The following NOL4 variants were observed in gnomAD, a reference collection of about 807,000 sequenced individuals.
NOL4 encodes cancer/testis antigen 125.
In NOL4, 17 loss-of-function variants were observed where a neutral mutation model predicts 75.9. The observed-to-expected ratio is 0.22, with a 90% CI of 0.15 to 0.34. The LOEUF is 0.34. NOL4 is among the 10% of genes least tolerant of loss of function. The probability of loss-of-function intolerance (pLI) is 1.00; values close to 1 mark genes in which losing one functional copy is unlikely to be tolerated. For missense variants in NOL4, 614 were observed against 793.5 expected, an observed-to-expected ratio of 0.77 and a Z score of 2.72; for synonymous variants, 292 against 289.9, an observed-to-expected ratio of 1.01 and a Z score of -0.07.
At chr18:34,102,405 A>T (rs920745030) in intron 4 of NOL4, among the ~76,000 whole-genome samples, 29 of 152,074 alleles carry the variant, frequency 1.9e-4, no homozygotes, top group African/African-American at 7.0e-4. Flanking sequence ...TTTTAATGTG[A>T]CTTCCTTTAC....
intron 9 of NOL4, among the ~76,000 whole-genome samples, chr18:33,932,518 A>G (rs1484998638): frequency 4.6e-5 from 7 of 152,110 alleles, no homozygotes; most frequent in African/African-American, 1.7e-4. Context: ...TCTACTTCTC[A>G]TAATTTATCC....
chr18:33,934,476 G>A (rs1347831621), intron 9 of NOL4, among the ~76,000 whole-genome samples: 1 of 152,144 alleles, frequency 6.6e-6, no homozygotes. Context: ...CGATGATGTA[G>A]TGATTTCATC....
At chr18:34,097,810 A>C (rs1673894592) in intron 4 of NOL4, among the ~76,000 whole-genome samples, 1 of 152,174 alleles carries the variant, frequency 6.6e-6, no homozygotes, top group South Asian at 2.1e-4. Context: ...TTCATATATC[A>C]CATTCCTTAG....
chr18:34,106,856 A>G (rs759013189), intron 2 of NOL4, among the ~76,000 whole-genome samples: 4 of 152,070 alleles, frequency 2.6e-5, no homozygotes, highest in Admixed American at 6.6e-5. Context: ...GAAAAAGTCT[A>G]TAATGCATGC....
chr18:33,872,848 A>T (rs968481760), intron 10 of NOL4, among the ~76,000 whole-genome samples: 1 of 152,074 alleles, frequency 6.6e-6, no homozygotes, highest in Admixed American at 6.6e-5. Flanking sequence ...ATATGGATAC[A>T]AATTAGTATT....
At chr18:34,079,161 A>G (rs1288460260) in intron 5 of NOL4, among the ~76,000 whole-genome samples, 1 of 152,156 alleles carries the variant, frequency 6.6e-6, no homozygotes, top group Non-Finnish European at 1.5e-5. Context: ...AGGAACCTAA[A>G]TAACCATATT....
chr18:34,143,907 T>C (rs560920425), intron 1 of NOL4, among the ~76,000 whole-genome samples: 1 of 150,580 alleles, frequency 6.6e-6, no homozygotes, highest in East Asian at 2.0e-4. Flanking sequence ...CTTTCAGCTC[T>C]ACTAAGACAA....
chr18:34,141,003 A>G (rs929184874), intron 1 of NOL4, among the ~76,000 whole-genome samples: 2 of 152,134 alleles, frequency 1.3e-5, no homozygotes, highest in East Asian at 1.9e-4. Context: ...TACAAAATCA[A>G]TGTGCAAAAA....
intron 6 of NOL4, among the ~76,000 whole-genome samples, chr18:34,002,778 C>G (rs1245958567): frequency 2.0e-5 from 3 of 152,020 alleles, no homozygotes; most frequent in Non-Finnish European, 4.4e-5. Context: ...CCAATTAAGT[C>G]CCCATTTACT....
At chr18:34,119,712 C>A (rs1378307643) in intron 2 of NOL4, among the ~76,000 whole-genome samples, 1 of 152,090 alleles carries the variant, frequency 6.6e-6, no homozygotes, top group Admixed American at 6.5e-5. Context: ...AGCTCCACTT[C>A]CTGGGTTCAC....
At chr18:33,974,305 A>T (rs1368523621) in intron 6 of NOL4, among the ~76,000 whole-genome samples, 2 of 152,172 alleles carry the variant, frequency 1.3e-5, no homozygotes, top group African/African-American at 4.8e-5. Context: ...TTGCTCTGGA[A>T]TAGGCTTTGG....
At chr18:33,938,188 C>G (rs1045127770) in intron 9 of NOL4, among the ~76,000 whole-genome samples, 3 of 151,922 alleles carry the variant, frequency 2.0e-5, no homozygotes, top group South Asian at 4.1e-4. Context: ...CTCTCTGGGC[C>G]GCAGTTTTCT....
chr18:34,104,616 T>C (rs1301893086), intron 3 of NOL4, among the ~76,000 whole-genome samples: 1 of 151,998 alleles, frequency 6.6e-6, no homozygotes, highest in African/African-American at 2.4e-5. Flanking sequence ...TTTAGCTAAA[T>C]AATTTTCAAT....
chr18:34,160,760 G>A (rs2031340330), intron 1 of NOL4, among the ~76,000 whole-genome samples: 1 of 152,148 alleles, frequency 6.6e-6, no homozygotes, highest in Admixed American at 6.5e-5. Flanking sequence ...AATGTGTAAT[G>A]ATCAAATTGG....
intron 8 of NOL4, among the ~76,000 whole-genome samples, chr18:33,948,125 G>A (rs957551762): frequency 1.3e-5 from 2 of 151,912 alleles, no homozygotes; most frequent in Admixed American, 6.6e-5. Context: ...ATGGGTTAAT[G>A]TGGTGATGCT....
At chr18:34,062,141 C>T (rs1600445834) in intron 5 of NOL4, among the ~76,000 whole-genome samples, 1 of 152,070 alleles carries the variant, frequency 6.6e-6, no homozygotes, top group African/African-American at 2.4e-5. Flanking sequence ...GAGAACATGC[C>T]GTATTTGGTA....
At chr18:34,139,505 T>C (rs905837401) in intron 1 of NOL4, among the ~76,000 whole-genome samples, 12 of 152,364 alleles carry the variant, frequency 7.9e-5, no homozygotes, top group African/African-American at 2.9e-4. Context: ...TTTGTATTTC[T>C]GTGGGATCAG....
At chr18:34,109,708 A>T (rs9957693) in intron 2 of NOL4, among the ~76,000 whole-genome samples, 3,760 of 152,126 alleles carry the variant, frequency 0.025, 172 homozygotes, top group African/African-American at 0.085. Flanking sequence ...ACAATAAAAA[A>T]GATCAATGAA....
At chr18:33,883,484 A>T (rs368732680) in intron 9 of NOL4, 60 bp from the exon 10 acceptor site, 2 of 1,361,468 alleles carry the variant, frequency 1.5e-6, no homozygotes, top group African/African-American at 2.9e-5. Context: ...CACCTTGAAC[A>T]GGACTACCTT....
Sources: gnomAD v4.1 joint callset for allele counts (sites outside exome capture counted in the v4.1 genomes callset) on GRCh38, gnomAD v4.1.1 for gene constraint, MANE v1.5 for transcripts, NCBI Gene and HGNC (gene_info 2026-07-23, HGNC 2026-07-21) for gene names.